The following TMEM235 variants were observed in gnomAD, a reference collection of about 807,000 sequenced individuals.
TMEM235 encodes the protein transmembrane protein 235.
TMEM235 carries 23 observed loss-of-function variants against 22.9 expected under a neutral mutation model. The observed-to-expected ratio is 1.00, with a 90% CI of 0.72 to 1.42. TMEM235 has a LOEUF of 1.42. TMEM235 is among the 40% of genes most tolerant of loss of function. TMEM235 has a pLI of 0.00. For synonymous variants in TMEM235, 137 were observed against 140.5 expected, an observed-to-expected ratio of 0.98 and a Z score of 0.17; for missense variants, 308 against 299.5, an observed-to-expected ratio of 1.03 and a Z score of -0.21.
chr17:78,238,916 C>G lies in TMEM235; in HGVS notation c.410-108C>G. The G allele has an allele frequency of 5.5e-6, 8 of 1,446,876 alleles. No individual in the cohort carries two copies. In the South Asian group the frequency reaches 1.1e-4, roughly 20 times the overall value. The allele number at this position is 1,446,876 out of a possible 1,614,324, so 89.6% of individuals were successfully genotyped here. A position where few individuals can be genotyped will look rare whatever the true frequency, so the allele number is the denominator to read the frequency against. On this transcript the variant is annotated intron_variant, in intron 4 of 5. Coordinates refer to ENST00000421688, the Ensembl canonical transcript of TMEM235. The surrounding 1 kb of genome is among the most constrained non-coding windows in gnomAD (Gnocchi z 4.3). ...GGCGGTGTGCTGCCTGCAGCTCTGC[C>G]TGAATGCTAGCGGGGCCGGGGATGC... is the stretch of plus-strand genomic sequence containing the variant.
At chr17:78,232,553 G>C (rs1472202515) in intron 2 of TMEM235, among the ~76,000 whole-genome samples, 1 of 152,210 alleles carries the variant, frequency 6.6e-6, no homozygotes, top group South Asian at 2.1e-4. Flanking sequence ...CACGCTCCCC[G>C]GGGTTTGGGC....
rs980731381 is a variant in TMEM235 at position 78,232,356 on chromosome 17, C to T, written c.190+143C>T. The T allele has an allele frequency of 1.7e-5, 13 of 784,248 alleles. No individual in the cohort carries two copies. The African/African-American group carries it at 2.4e-4, about 14-fold the overall frequency. 48.6% of individuals were successfully genotyped at this position (784,248 alleles called of 1,614,324 possible). A position where few individuals can be genotyped will look rare whatever the true frequency, so the allele number is the denominator to read the frequency against. On this transcript the variant is annotated intron_variant, in intron 2 of 5. Transcript: ENST00000421688. ...TCCCGCTCTGCCCCAGGGTGTCTCT[C>T]CGCTCCCTCCCCATCACCCTCCGTC...
chr17:78,237,186 C>T lies in TMEM235; in HGVS notation c.410-1838C>T, dbSNP rs1385504641. The stretch of plus-strand genomic sequence containing the variant: ...CCTAGTATGAGGGTCAGCTGTGGGC[C>T]GAAGCACAGAGGGCTCTCAGGATGT... On this transcript the variant is annotated intron_variant, in intron 4 of 5. Transcript: ENST00000421688. The surrounding 1 kb of genome is among the most constrained non-coding windows in gnomAD (Gnocchi z 4.7). Among the ~76,000 whole-genome samples, 3 of 152,080 alleles carry T rather than the reference C, an allele frequency of 2.0e-5. No individual in the cohort carries two copies. Among genetic ancestry groups the T allele is most frequent in the East Asian group, 1.9e-4 (1 of 5,188 alleles).
At chr17:78,239,997 C>T (rs1188683169) in exon 6 of TMEM235, 2 of 1,538,676 alleles carry the variant, frequency 1.3e-6, no homozygotes, top group Non-Finnish European at 1.8e-6. Flanking sequence ...TACCCCTCTG[C>T]CCCCTCCCTT....
Position 78,238,094 on chromosome 17 carries a change from G to A in TMEM235, c.410-930G>A, listed in dbSNP as rs1109628. 0.047 allele frequency among the ~76,000 whole-genome samples: 7,119 copies of A among 152,246 alleles called. 327 individuals carry two copies. Among genetic ancestry groups the A allele is most frequent in the East Asian group, 0.11 (573 of 5,162 alleles). Reference sequence around the variant, plus strand: ...CCCCTGGCTAACATTCCCTACAGTCGGCGCCAAGGACAGGCTTTCTCATCA... The same window carrying A: ...CCCCTGGCTAACATTCCCTACAGTCAGCGCCAAGGACAGGCTTTCTCATCA... On this transcript the variant is annotated intron_variant, in intron 4 of 5. Coordinates refer to ENST00000421688, the Ensembl canonical transcript of TMEM235. This position sits in a 1 kb window ranked among gnomAD's most constrained non-coding sequence, Gnocchi z 4.3.
chr17:78,232,305 C>A (rs1232539989), intron 2 of TMEM235, 92 bp downstream of exon 1: 8 of 1,252,088 alleles, frequency 6.4e-6, no homozygotes, highest in Non-Finnish European at 8.3e-6. Context: ...CCCCGCCAGA[C>A]CCCCTTCCAG....
intron 2 of TMEM235, 137 bp from the exon 2 acceptor site, chr17:78,233,758 T>C (rs1261041447): frequency 9.1e-6 from 6 of 662,608 alleles, no homozygotes; most frequent in Admixed American, 8.8e-5. Context: ...TTCATCCCAC[T>C]TGGAGTCCCA....
At chr17:78,232,986 A>C (rs1240887096) in intron 2 of TMEM235, among the ~76,000 whole-genome samples, 1 of 152,094 alleles carries the variant, frequency 6.6e-6, no homozygotes, top group East Asian at 1.9e-4. Context: ...TGTGCATGTG[A>C]GAGTGTGTGG....
chr17:78,239,726 C>T, intron 5 of TMEM235, 54 bp from the exon 5 acceptor site: 1 of 1,504,370 alleles, frequency 6.6e-7, no homozygotes, highest in Non-Finnish European at 9.0e-7. Context: ...CTCCATGCTC[C>T]TCTCCAGCCC....
intron 5 of TMEM235, 94 bp downstream of exon 4, chr17:78,239,367 C>T (rs2076683892): frequency 9.3e-6 from 13 of 1,399,544 alleles, no homozygotes; most frequent in Middle Eastern, 2.6e-4. Flanking sequence ...CTCTGGGCCT[C>T]GCTGGGGTCC....
exon 6 of TMEM235, chr17:78,239,853 GC>G (rs2076689303): frequency 6.4e-7 from 1 of 1,551,412 alleles, no homozygotes; most frequent in Non-Finnish European, 8.7e-7. Context: ...GCCGTCTCAG[GC>G]CAAGGCCTCC....
rs2076672298 is a variant in TMEM235, at chr17:78,238,661, T to G, written c.410-363T>G. ...GGGGCCATGGAGGGTACAGAGTGTG[T>G]GGGGGGCAGTTATGTGAGTGGGAAC... On this transcript the variant is annotated intron_variant, in intron 4 of 5. Transcript: ENST00000421688. This position sits in a 1 kb window ranked among gnomAD's most constrained non-coding sequence, Gnocchi z 4.3. Among the ~76,000 whole-genome samples the G allele has an allele frequency of 6.9e-6, 1 of 144,856 alleles. No homozygotes were observed. The highest frequency in any genetic ancestry group is 2.6e-5 in the African/African-American group (1 of 38,860).
At chr17:78,231,757 C>T (rs1483604389) in exon 2 of TMEM235, 30 of 1,228,570 alleles carry the variant, frequency 2.4e-5, no homozygotes, top group Middle Eastern at 2.3e-4. Flanking sequence ...GATTGGAGCC[C>T]AAGCCCCAGG....
intron 3 of TMEM235, 175 bp from the exon 3 acceptor site, chr17:78,234,418 A>G: frequency 2.0e-6 from 2 of 981,106 alleles, no homozygotes; most frequent in Non-Finnish European, 3.1e-6. Context: ...TCCTGGCCTT[A>G]GGAAGCCCCT....
chr17:78,232,153 G>A, exon 2 of TMEM235: 1 of 1,487,390 alleles, frequency 6.7e-7, no homozygotes, highest in Non-Finnish European at 8.9e-7. Context: ...CAATGGCAGC[G>A]CCTGGCCCGG....
exon 2 of TMEM235, chr17:78,231,643 G>A: frequency 7.7e-7 from 1 of 1,300,466 alleles, no homozygotes; most frequent in South Asian, 1.2e-5. Flanking sequence ...GCCCTGCACA[G>A]CCCGGCCAGG....
rs190176028 is a variant in TMEM235, at chr17:78,236,066, C to T, written c.409+1336C>T. On this transcript the variant is annotated intron_variant, in intron 4 of 5. Transcript: ENST00000421688. ...ACACTGGGGATTATCATTCCACATG[C>T]GATTCGGGCCGGGACACCAAACCCT... Among the ~76,000 whole-genome samples, 81 of 152,340 alleles carry T rather than the reference C, an allele frequency of 5.3e-4. No individual in the cohort carries two copies. The East Asian group carries it at 6.6e-3, about 12-fold the overall frequency.
rs115314288 is a variant in TMEM235 at position 78,238,239 on chromosome 17, T to G, written c.410-785T>G. On this transcript the variant is annotated intron_variant, in intron 4 of 5. Coordinates refer to ENST00000421688, the Ensembl canonical transcript of TMEM235. This position sits in a 1 kb window ranked among gnomAD's most constrained non-coding sequence, Gnocchi z 4.3. ...CCTAGCTCGTTGCTGGACCCTGAAC[T>G]GCCGGATGAAGCCTGGTGCCCGCCA... is the stretch of plus-strand genomic sequence containing the variant. 7.8e-3 allele frequency among the ~76,000 whole-genome samples: 1,186 copies of G among 152,332 alleles called. 22 individuals are homozygous for G. The highest frequency in any genetic ancestry group is 0.027 in the African/African-American group (1,130 of 41,566).
chr17:78,234,744 C>A lies in TMEM235; in HGVS notation c.409+14C>A. 1 of 1,535,974 alleles carries A rather than the reference C, an allele frequency of 6.5e-7. No individual in the cohort carries two copies. The highest frequency in any genetic ancestry group is 8.7e-7 in the Non-Finnish European group (1 of 1,146,828). ...TCCTGCTGGGGAGTGAGTCTGGGGC[C>A]CTGGGGGAATGGCTCCAAAGATGGG... On this transcript the variant is annotated intron_variant, in intron 4 of 5. Coordinates refer to ENST00000421688, the Ensembl canonical transcript of TMEM235.
Sources: gnomAD v4.1 joint callset for allele counts (sites outside exome capture counted in the v4.1 genomes callset) on GRCh38, gnomAD v4.1.1 for gene constraint, Gnocchi (gnomAD v3.1) non-coding constraint, MANE v1.5 for transcripts, NCBI Gene and HGNC (gene_info 2026-07-23, HGNC 2026-07-21) for gene names.